Variants in PIEZO2 observed in about 807,000 individuals in gnomAD.
PIEZO2 encodes the protein piezo-type mechanosensitive ion channel component 2.
PIEZO2 carries 172 observed loss-of-function variants against 337.3 expected under a neutral mutation model. The ratio of observed to expected loss-of-function variants is 0.51; its 90% CI spans 0.45 to 0.58. The LOEUF (loss-of-function observed/expected upper bound fraction) is 0.58, where lower values mean the gene tolerates loss of function less well. PIEZO2 is among the 20% of genes least tolerant of loss of function. PIEZO2 has a pLI of 0.00. For synonymous variants in PIEZO2, 1,251 were observed against 1,228.5 expected (o/e 1.02, Z -0.38); for missense variants, 3,028 against 3,391.3 (o/e 0.89, Z 2.66).
chr18:11,017,642 T>C (rs537276331), intron 2 of PIEZO2, among the ~76,000 whole-genome samples: 2 of 152,326 alleles, frequency 1.3e-5, no homozygotes, highest in South Asian at 4.2e-4. Flanking sequence ...ATGGTTCTTC[T>C]GTATAAAAGA....
Position 10,969,774 on chromosome 18 carries a change from G to C in PIEZO2, c.286+9761C>G, listed in dbSNP as rs2034161869. On this transcript the variant is annotated intron_variant, in intron 3 of 55. Coordinates refer to ENST00000674853, the MANE Select transcript of PIEZO2 (RefSeq NM_001378183.1). This position sits in a 1 kb window ranked among gnomAD's most constrained non-coding sequence, Gnocchi z 4.5. ...GAGGGGACAGAGCTCCTGGCCAAGA[G>C]AGGGCATGGGTGCACTTAGCCGCTC... is the stretch of plus-strand genomic sequence containing the variant. Among the ~76,000 whole-genome samples, 1 of 152,036 alleles carries C rather than the reference G, an allele frequency of 6.6e-6. No individual in the cohort carries two copies. The highest frequency in any genetic ancestry group is 1.9e-4 in the East Asian group (1 of 5,168).
rs1275211032 is a variant in PIEZO2, at chr18:11,080,495, T to C, written c.65-14273A>G. Among the ~76,000 whole-genome samples, 5 of 152,182 alleles carry C rather than the reference T, an allele frequency of 3.3e-5. No homozygotes were observed. Among genetic ancestry groups the C allele is most frequent in the Admixed American group, 3.3e-4 (5 of 15,284 alleles). On this transcript the variant is annotated intron_variant, in intron 1 of 55. Transcript: ENST00000674853. The surrounding 1 kb of genome is among the most constrained non-coding windows in gnomAD (Gnocchi z 5.4). ...TAGTGCCTTGCACATAATAAGCCTG[T>C]GATGATAGTGCAGAATGAATAAAGG... is the stretch of plus-strand genomic sequence containing the variant.
intron 3 of PIEZO2, among the ~76,000 whole-genome samples, chr18:10,919,925 A>T (rs1568199698): frequency 6.6e-6 from 1 of 152,184 alleles, no homozygotes; most frequent in Non-Finnish European, 1.5e-5. Flanking sequence ...AAATAGAATC[A>T]TAAAGGAATT....
At chr18:10,849,273 A>G (rs1467519388) in intron 7 of PIEZO2, among the ~76,000 whole-genome samples, 6 of 152,244 alleles carry the variant, frequency 3.9e-5, no homozygotes. Context: ...TGGCCTCCCA[A>G]AGTGTTGAGA....
chr18:11,058,648 T>G (rs533058542), intron 2 of PIEZO2, among the ~76,000 whole-genome samples: 1 of 152,220 alleles, frequency 6.6e-6, no homozygotes, highest in African/African-American at 2.4e-5. Flanking sequence ...CAGTAGCCAA[T>G]TTGATCAACT....
At position 11,127,405 on chromosome 18, in the gene PIEZO2, C is replaced by T. The variant is rs2040212265; in HGVS notation, c.64+21120G>A. 6.6e-6 allele frequency among the ~76,000 whole-genome samples: 1 copy of T among 152,176 alleles called. No individual in the cohort carries two copies. The highest frequency in any genetic ancestry group is 6.5e-5 in the Admixed American group (1 of 15,284). ...GGAGGGTGTTGCCAAAAGAGATTAC[C>T]ATTTGAGACAGTGGGCTGGGGAAGG... On this transcript the variant is annotated intron_variant, in intron 1 of 55. Coordinates refer to ENST00000674853, the MANE Select transcript of PIEZO2 (RefSeq NM_001378183.1). This position sits in a 1 kb window ranked among gnomAD's most constrained non-coding sequence, Gnocchi z 4.5.
chr18:10,791,850 A>G (rs1334126916), intron 13 of PIEZO2, among the ~76,000 whole-genome samples: 1 of 152,216 alleles, frequency 6.6e-6, no homozygotes, highest in East Asian at 1.9e-4. Flanking sequence ...ATGCTTTCAT[A>G]GTAACATTTT....
intron 2 of PIEZO2, among the ~76,000 whole-genome samples, chr18:11,063,509 T>C (rs1375215960): frequency 6.6e-6 from 1 of 152,174 alleles, no homozygotes; most frequent in Non-Finnish European, 1.5e-5. Context: ...CTCCACATCC[T>C]GGGCACCTAC....
Position 11,097,590 on chromosome 18 carries a change from A to C in PIEZO2, c.65-31368T>G, listed in dbSNP as rs2039296430. Among the ~76,000 whole-genome samples the C allele has an allele frequency of 6.6e-6, 1 of 152,216 alleles. No individual in the cohort carries two copies. The highest frequency in any genetic ancestry group is 1.5e-5 in the Non-Finnish European group (1 of 68,040). ...CTATTTAGAGGAGTACAGCCTAATC[A>C]CCACCACCAAAACAAGTTGTCTTCA... is the stretch of plus-strand genomic sequence containing the variant. On this transcript the variant is annotated intron_variant, in intron 1 of 55. Coordinates refer to ENST00000674853, the MANE Select transcript of PIEZO2 (RefSeq NM_001378183.1). This position sits in a 1 kb window ranked among gnomAD's most constrained non-coding sequence, Gnocchi z 5.0.
intron 3 of PIEZO2, among the ~76,000 whole-genome samples, chr18:10,949,952 C>T (rs1014125478): frequency 6.6e-6 from 1 of 152,172 alleles, no homozygotes; most frequent in African/African-American, 2.4e-5. Flanking sequence ...ATTTCAAATA[C>T]TTCACCAAAA....
Position 10,682,385 on chromosome 18 carries a change from G to A in PIEZO2, c.7498-93C>T, listed in dbSNP as rs2034305203. On this transcript the variant is annotated intron_variant, in intron 49 of 55. Coordinates refer to ENST00000674853, the MANE Select transcript of PIEZO2 (RefSeq NM_001378183.1). This position sits in a 1 kb window ranked among gnomAD's most constrained non-coding sequence, Gnocchi z 5.6. ...GGGGAGAGCGAGTGCTCTTCCTGTG[G>A]TGCTGGGAACATGGATTTGGCCCTG... is the stretch of plus-strand genomic sequence containing the variant. The A allele has an allele frequency of 2.6e-6, 3 of 1,133,150 alleles. No homozygotes were observed. The highest frequency in any genetic ancestry group is 5.2e-5 in the Admixed American group (2 of 38,318). The allele number at this position is 1,133,150 out of a possible 1,614,324, so 70.2% of individuals were successfully genotyped here.
Position 10,895,251 on chromosome 18 carries a change from G to A in PIEZO2, c.329+15935C>T, listed in dbSNP as rs760047685. Among the ~76,000 whole-genome samples, 3 of 152,102 alleles carry A rather than the reference G, an allele frequency of 2.0e-5. No individual in the cohort carries two copies. Among genetic ancestry groups the A allele is most frequent in the Non-Finnish European group, 2.9e-5 (2 of 68,034 alleles). On this transcript the variant is annotated intron_variant, in intron 4 of 55. Transcript: ENST00000674853. The surrounding 1 kb of genome is among the most constrained non-coding windows in gnomAD (Gnocchi z 4.8). ...ACTTGAGGTCAGGAGATCGAGACCAGCCTGGCCAACATGGTGAAACCCCAT... is the reference window on the plus strand; with the variant it reads ...ACTTGAGGTCAGGAGATCGAGACCAACCTGGCCAACATGGTGAAACCCCAT...
intron 7 of PIEZO2, among the ~76,000 whole-genome samples, chr18:10,825,389 T>C (rs111405834): frequency 0.014 from 2,189 of 152,098 alleles, 53 homozygotes; most frequent in African/African-American, 0.05. Flanking sequence ...GGGAGAAAGG[T>C]TGCAGGGGTA....
chr18:10,983,260 C>T (rs138366728), intron 2 of PIEZO2, among the ~76,000 whole-genome samples: 1 of 152,096 alleles, frequency 6.6e-6, no homozygotes, highest in South Asian at 2.1e-4. Flanking sequence ...CACCCATGGA[C>T]ATGAATATTT....
intron 31 of PIEZO2, among the ~76,000 whole-genome samples, chr18:10,743,596 T>C (rs191922141): frequency 6.6e-6 from 1 of 152,316 alleles, no homozygotes; most frequent in East Asian, 1.9e-4. Context: ...TAGTTAGTGT[T>C]GACTCTTAAG....
intron 1 of PIEZO2, among the ~76,000 whole-genome samples, chr18:11,123,375 A>T (rs1291689960): frequency 1.3e-5 from 2 of 152,252 alleles, no homozygotes; most frequent in Non-Finnish European, 2.9e-5. Flanking sequence ...AGCTAATTCC[A>T]GCAAAGAAAA....
chr18:10,705,241 T>C (rs932660722), intron 41 of PIEZO2, 95 bp downstream of exon 41: 2 of 1,396,786 alleles, frequency 1.4e-6, no homozygotes, highest in East Asian at 2.5e-5. Context: ...GATGAACTTT[T>C]TTCTATATAT....
chr18:11,054,117 T>A (rs1214752048), intron 2 of PIEZO2, among the ~76,000 whole-genome samples: 1 of 152,212 alleles, frequency 6.6e-6, no homozygotes, highest in African/African-American at 2.4e-5. Flanking sequence ...GTTAATAAAT[T>A]TAATGCAGGA....
chr18:11,146,270 G>C lies in PIEZO2; in HGVS notation c.64+2255C>G, dbSNP rs535207311. On this transcript the variant is annotated intron_variant, in intron 1 of 55. Transcript: ENST00000674853. The surrounding 1 kb of genome is among the most constrained non-coding windows in gnomAD (Gnocchi z 6.1). ...TATTATCTTGTCGCCCCTGGAAGCC[G>C]AGCTCCTCCCAGAAAGTCCAGGATC... Among the ~76,000 whole-genome samples, 2 of 152,102 alleles carry C rather than the reference G, an allele frequency of 1.3e-5. No homozygotes were observed. Among genetic ancestry groups the C allele is most frequent in the Non-Finnish European group, 2.9e-5 (2 of 68,014 alleles).
Sources: gnomAD v4.1 joint callset for allele counts (sites outside exome capture counted in the v4.1 genomes callset) on GRCh38, gnomAD v4.1.1 for gene constraint, Gnocchi (gnomAD v3.1) non-coding constraint, MANE v1.5 for transcripts, NCBI Gene and HGNC (gene_info 2026-07-23, HGNC 2026-07-21) for gene names.